Variants in METTL9 observed in about 807,000 individuals in gnomAD.
The protein encoded by METTL9 is protein-L-histidine N-pros-methyltransferase.
METTL9 carries 10 observed loss-of-function variants against 36.0 expected under a neutral mutation model. That is an observed-to-expected ratio of 0.28 (90% CI 0.17 to 0.47). The LOEUF (loss-of-function observed/expected upper bound fraction) is 0.47. METTL9 is among the 20% of genes least tolerant of loss of function. The pLI is 0.99. For synonymous variants in METTL9, 175 were observed against 149.7 expected, an observed-to-expected ratio of 1.17 and a Z score of -1.23; for missense variants, 246 against 383.5, an observed-to-expected ratio of 0.64 and a Z score of 3.00.
chr16:21,625,471 G>C (rs779282155), intron 4 of METTL9, among the ~76,000 whole-genome samples: 1 of 152,074 alleles, frequency 6.6e-6, no homozygotes, highest in East Asian at 1.9e-4. Context: ...AAATCTGGTC[G>C]TATATACTTG....
chr16:21,631,633 C>T (rs1965964337), intron 4 of METTL9, among the ~76,000 whole-genome samples: 1 of 152,182 alleles, frequency 6.6e-6, no homozygotes, highest in Non-Finnish European at 1.5e-5. Context: ...GAAGGGAGTT[C>T]CTCCTATGTC....
chr16:21,624,492 C>T (rs904123790), intron 3 of METTL9, among the ~76,000 whole-genome samples: 5 of 151,960 alleles, frequency 3.3e-5, no homozygotes, highest in East Asian at 1.9e-4. Context: ...TTTGGGAGGC[C>T]GAGGCAGTCG....
intron 4 of METTL9, chr16:21,643,621 C>T: frequency 6.4e-7 from 1 of 1,555,446 alleles, no homozygotes; most frequent in Non-Finnish European, 8.8e-7. Flanking sequence ...GAAGGAAAGT[C>T]TATGAAACAT....
chr16:21,639,906 G>C (rs1364996108), intron 4 of METTL9: 1 of 151,182 alleles, frequency 6.6e-6, no homozygotes, highest in African/African-American at 2.4e-5. Context: ...GGCAATACCA[G>C]TTTAAAAGAA....
At chr16:21,641,117 C>T (rs1345631394) in intron 4 of METTL9, 2 of 154,396 alleles carry the variant, frequency 1.3e-5, no homozygotes, top group Non-Finnish European at 2.9e-5. Flanking sequence ...ATGTCTCTAA[C>T]TCAAATTTTG....
chr16:21,631,488 T>A (rs1965959469), intron 4 of METTL9, among the ~76,000 whole-genome samples: 1 of 152,202 alleles, frequency 6.6e-6, no homozygotes, highest in South Asian at 2.1e-4. Context: ...GCAAACAGCT[T>A]GCAAGTTTGA....
At chr16:21,606,786 A>AT (rs1342312706) in intron 1 of METTL9, among the ~76,000 whole-genome samples, 7 of 152,174 alleles carry the variant, frequency 4.6e-5, no homozygotes, top group East Asian at 1.9e-4. Flanking sequence ...TCAAATATGT[A>AT]TTTTTTATTA....
intron 4 of METTL9, chr16:21,644,389 C>G: frequency 6.2e-7 from 1 of 1,609,242 alleles, no homozygotes; most frequent in Non-Finnish European, 8.5e-7. Context: ...TGCTGAGCAG[C>G]TTAATTTCTT....
rs924120790 is a variant in METTL9 at position 21,600,036 on chromosome 16, C to A, written c.165+138C>A. The A allele has an allele frequency of 4.4e-5, 35 of 790,434 alleles. No homozygotes were observed. The South Asian group carries it at 2.2e-3, about 50-fold the overall frequency. 49.0% of individuals were successfully genotyped at this position (790,434 alleles called of 1,614,324 possible). A position where few individuals can be genotyped will look rare whatever the true frequency, so the allele number is the denominator to read the frequency against. On this transcript the variant is annotated intron_variant, in intron 1 of 4. Coordinates refer to ENST00000358154, the MANE Select transcript of METTL9 (RefSeq NM_016025.5). ...CCGCCTCGGCCCCTTGGAAAGTTTT[C>A]CCCGCGCCTTCCCCGCCGGGCGTCG...
chr16:21,598,352 CAAAAAAAAAA>C (rs1161878357), upstream of METTL9, among the ~76,000 whole-genome samples: 1 of 59,170 alleles, frequency 1.7e-5, no homozygotes, highest in South Asian at 5.8e-4. Context: ...CACTCCGTTT[CAAAAAAAAAA>C]AAAAAAAAAA....
At position 21,617,858 on chromosome 16, in the gene METTL9, C is replaced by T. The variant is rs760684137; in HGVS notation, c.357-7C>T. On this transcript the variant is annotated splice_polypyrimidine_tract_variant and splice_region_variant and intron_variant, in intron 2 of 4. Coordinates refer to ENST00000358154, the MANE Select transcript of METTL9 (RefSeq NM_016025.5). ...ACACTTCCATTTTTGTCCTTTTTTT[C>T]TTTCAGGTTGCTAGGAAGAGGCTCA... 3 of 1,611,820 alleles carry T rather than the reference C, an allele frequency of 1.9e-6. No individual in the cohort carries two copies. Among genetic ancestry groups the T allele is most frequent in the Non-Finnish European group, 2.5e-6 (3 of 1,178,822 alleles).
At chr16:21,651,211 A>C (rs987918620) in intron 4 of METTL9, among the ~76,000 whole-genome samples, 6 of 152,192 alleles carry the variant, frequency 3.9e-5, no homozygotes, top group Admixed American at 1.3e-4. Context: ...TGACAGAGCG[A>C]GACTCCGTCT....
At chr16:21,611,215 G>C (rs561707142) in intron 1 of METTL9, among the ~76,000 whole-genome samples, 70 of 152,190 alleles carry the variant, frequency 4.6e-4, no homozygotes, top group Non-Finnish European at 8.7e-4. Flanking sequence ...ACCCAGTTTA[G>C]GGAACAGAGT....
At position 21,653,964 on chromosome 16, in the gene METTL9, T is replaced by C. The variant is rs117259677; in HGVS notation, c.752-1263T>C. On this transcript the variant is annotated intron_variant, in intron 4 of 4. Coordinates refer to ENST00000358154, the MANE Select transcript of METTL9 (RefSeq NM_016025.5). ...TATGAAAAATCTCCCCACCATGATA[T>C]GATGTCTGTGCCCTTGGCATCTGCT... The C allele has an allele frequency of 4.6e-5, 7 of 151,726 alleles. No individual in the cohort carries two copies. The East Asian group carries it at 9.7e-4, about 21-fold the overall frequency. 9.4% of individuals were successfully genotyped at this position (151,726 alleles called of 1,614,324 possible). A position where few individuals can be genotyped will look rare whatever the true frequency, so the allele number is the denominator to read the frequency against.
chr16:21,603,213 C>G (rs1965184204), intron 1 of METTL9, among the ~76,000 whole-genome samples: 1 of 151,630 alleles, frequency 6.6e-6, no homozygotes, highest in Admixed American at 6.6e-5. Flanking sequence ...AATCTCAGCT[C>G]ACTGCATCCT....
chr16:21,652,806 T>A lies in METTL9; in HGVS notation c.752-2421T>A, dbSNP rs1011735133. The A allele has an allele frequency of 2.3e-5, 11 of 469,082 alleles. No homozygotes were observed. The South Asian group carries it at 4.3e-4, about 18-fold the overall frequency. The allele number at this position is 469,082 out of a possible 1,614,324, so 29.1% of individuals were successfully genotyped here. ...TAGAAATGTGCATATCTTTTTTTTT[T>A]CCATGGATTTTACAGTTGTCATAGG... On this transcript the variant is annotated intron_variant, in intron 4 of 4. Transcript: ENST00000358154.
At chr16:21,627,353 G>T in intron 4 of METTL9, 1 of 985,048 alleles carries the variant, frequency 1.0e-6, no homozygotes, top group Non-Finnish European at 1.2e-6. Context: ...AATTGTTTTG[G>T]TAAATGGCTT....
chr16:21,633,500 C>T (rs1966014651), intron 4 of METTL9, among the ~76,000 whole-genome samples: 1 of 152,114 alleles, frequency 6.6e-6, no homozygotes, highest in Non-Finnish European at 1.5e-5. Flanking sequence ...GATGTGTGGT[C>T]TGTGGGATCC....
chr16:21,646,955 G>T (rs1966444123), intron 4 of METTL9: 3 of 786,892 alleles, frequency 3.8e-6, no homozygotes, highest in South Asian at 1.5e-5. Flanking sequence ...CGCCCAGCCA[G>T]TTGGAGTAGT....
Sources: allele counts gnomAD v4.1 joint callset (sites outside exome capture counted in the v4.1 genomes callset), GRCh38; gene constraint gnomAD v4.1.1; transcripts MANE v1.5; gene names NCBI Gene and HGNC (gene_info 2026-07-23, HGNC 2026-07-21).